RTF1: variants seen among roughly 807,000 people sequenced by gnomAD.
RTF1 encodes RTF1 homolog, Paf1/RNA polymerase II complex component.
RTF1 carries 10 observed loss-of-function variants against 95.7 expected under a neutral mutation model. The observed-to-expected ratio is 0.10, with a 90% CI of 0.06 to 0.18. The LOEUF (loss-of-function observed/expected upper bound fraction) is 0.18, where lower values mean the gene tolerates loss of function less well. Ranked by LOEUF, RTF1 falls within the 10% of genes least tolerant of loss-of-function variation. The pLI is 1.00. For missense variants in RTF1, 458 were observed against 875.6 expected (o/e 0.52, Z 6.02); for synonymous variants, 305 against 311.8 (o/e 0.98, Z 0.23).
chr15:41,440,822 A>T (rs1027562748), intron 2 of RTF1, among the ~76,000 whole-genome samples: 1 of 151,852 alleles, frequency 6.6e-6, no homozygotes, highest in East Asian at 1.9e-4. Context: ...TTAATGGATA[A>T]ACTATAATTT....
chr15:41,419,743 T>C (rs1226345859), intron 1 of RTF1, among the ~76,000 whole-genome samples: 3 of 152,234 alleles, frequency 2.0e-5, no homozygotes, highest in Admixed American at 1.3e-4. Flanking sequence ...GTTGAGTGCT[T>C]CTTTTCGTGG....
chr15:41,480,173 C>T (rs2050964462), intron 16 of RTF1, 41 bp from the exon 17 acceptor site: 2 of 1,283,036 alleles, frequency 1.6e-6, no homozygotes, highest in African/African-American at 2.9e-5. Context: ...AATCCACTTG[C>T]ATTTATGCTC....
chr15:41,442,747 G>T (rs189222343), intron 2 of RTF1, among the ~76,000 whole-genome samples: 2 of 151,988 alleles, frequency 1.3e-5, no homozygotes, highest in Non-Finnish European at 2.9e-5. Context: ...TTAGCCAGGC[G>T]TAGTAGTGGG....
intron 8 of RTF1, among the ~76,000 whole-genome samples, chr15:41,472,583 C>T (rs1367870993): frequency 6.7e-6 from 1 of 149,718 alleles, no homozygotes; most frequent in Non-Finnish European, 1.5e-5. Flanking sequence ...CAGTGGCACG[C>T]TCTTGGCTCA....
chr15:41,429,079 C>T (rs950677618), intron 1 of RTF1, among the ~76,000 whole-genome samples: 3 of 151,988 alleles, frequency 2.0e-5, no homozygotes, highest in Non-Finnish European at 2.9e-5. Flanking sequence ...CAGGGTCTCC[C>T]TGTGTTGCCC....
At chr15:41,442,767 T>TA (rs1566840460) in intron 2 of RTF1, among the ~76,000 whole-genome samples, 5 of 152,068 alleles carry the variant, frequency 3.3e-5, no homozygotes, top group Non-Finnish European at 7.4e-5. Flanking sequence ...GCACCTGTAG[T>TA]CCTAGCTACT....
In RTF1 at chr15:41,466,259, G is replaced by A. The variant is rs369658488; in HGVS notation, c.889+7G>A. ...AAACGAAAGAACAGAACAGGTAAGC[G>A]AGGGAAATATAATGGCTACTTGTGT... On this transcript the variant is annotated splice_region_variant and intron_variant, in intron 6 of 17. Transcript: ENST00000389629. 5.8e-5 allele frequency: 89 copies of A among 1,527,746 alleles called. No individual in the cohort carries two copies. Among genetic ancestry groups the A allele is most frequent in the Admixed American group, 9.1e-5 (4 of 43,822 alleles). The allele number at this position is 1,527,746 out of a possible 1,614,324, so 94.6% of individuals were successfully genotyped here.
chr15:41,474,815 A>T, intron 9 of RTF1, 113 bp downstream of exon 9: 2 of 796,908 alleles, frequency 2.5e-6, no homozygotes, highest in Non-Finnish European at 2.2e-6. Context: ...TATGTATGCA[A>T]TCCCCACAAG....
intron 4 of RTF1, 111 bp downstream of exon 4, chr15:41,457,987 G>C (rs1234762236): frequency 1.3e-6 from 1 of 758,542 alleles, no homozygotes; most frequent in East Asian, 2.7e-5. Flanking sequence ...ACTGGCATTT[G>C]GAATTGACTG....
At chr15:41,433,178 G>A (rs2050684262) in intron 1 of RTF1, among the ~76,000 whole-genome samples, 1 of 152,040 alleles carries the variant, frequency 6.6e-6, no homozygotes, top group Non-Finnish European at 1.5e-5. Flanking sequence ...AACCAGGGAG[G>A]CGGAGGTTGC....
In RTF1 at chr15:41,480,139, C is replaced by T. The variant is rs1458566005; in HGVS notation, c.1915-75C>T. ...AATGAACTCAAATAAGAGCTTCGTACCGTTAGTGGCTGCTGCTGCTTGAAA... is the reference window on the plus strand; with the variant it reads ...AATGAACTCAAATAAGAGCTTCGTATCGTTAGTGGCTGCTGCTGCTTGAAA... On this transcript the variant is annotated intron_variant, in intron 16 of 17. Coordinates refer to ENST00000389629, the MANE Select transcript of RTF1 (RefSeq NM_015138.5). 1.4e-5 allele frequency: 13 copies of T among 917,596 alleles called. No homozygotes were observed. The East Asian group carries it at 2.9e-4, about 21-fold the overall frequency. The allele number at this position is 917,596 out of a possible 1,614,324, so 56.8% of individuals were successfully genotyped here. A position where few individuals can be genotyped will look rare whatever the true frequency, so the allele number is the denominator to read the frequency against.
Position 41,482,638 on chromosome 15 carries a change from G to A in RTF1, c.*1951G>A, listed in dbSNP as rs1433736899. 6.6e-6 allele frequency: 1 copy of A among 152,586 alleles called. No homozygotes were observed. The highest frequency in any genetic ancestry group is 1.5e-5 in the Non-Finnish European group (1 of 68,038). 9.5% of individuals were successfully genotyped at this position (152,586 alleles called of 1,614,324 possible). A position where few individuals can be genotyped will look rare whatever the true frequency, so the allele number is the denominator to read the frequency against. ...ACAGCTTTGTGGTAGCTGTGACACA[G>A]TTCACTTGGGCAAAGGAGTGGTGAT... is the stretch of plus-strand genomic sequence containing the variant. On this transcript the variant is annotated 3_prime_UTR_variant, in exon 18 of 18. Coordinates refer to ENST00000389629, the MANE Select transcript of RTF1 (RefSeq NM_015138.5).
rs112320956 is a variant in RTF1, at chr15:41,468,369, G to C, written c.890-1888G>C. Reference sequence around the variant, plus strand: ...GTCTCGCTCTGTCGCCCAGGTTGGAGTGCAGTGGCGCGATCTCGGCTCACT... The same window carrying C: ...GTCTCGCTCTGTCGCCCAGGTTGGACTGCAGTGGCGCGATCTCGGCTCACT... On this transcript the variant is annotated intron_variant, in intron 6 of 17. Transcript: ENST00000389629. Among the ~76,000 whole-genome samples, 775 of 152,014 alleles carry C rather than the reference G, an allele frequency of 5.1e-3. 4 individuals carry two copies. The highest frequency in any genetic ancestry group is 8.1e-3 in the Non-Finnish European group (553 of 67,990).
chr15:41,420,030 A>G (rs183035148), intron 1 of RTF1, among the ~76,000 whole-genome samples: 9 of 152,236 alleles, frequency 5.9e-5, no homozygotes, highest in Admixed American at 5.2e-4. Flanking sequence ...CATGTTGGCC[A>G]GGCTGGTTTC....
intron 4 of RTF1, 132 bp downstream of exon 4, chr15:41,458,008 G>A (rs777914972): frequency 1.8e-4 from 118 of 663,950 alleles, no homozygotes; most frequent in Non-Finnish European, 3.0e-4. Context: ...TTAACATGAT[G>A]AGACGCAAGT....
chr15:41,426,299 ATTGT>A (rs965468356), intron 1 of RTF1, among the ~76,000 whole-genome samples: 13 of 147,412 alleles, frequency 8.8e-5, no homozygotes, highest in Admixed American at 5.4e-4. Context: ...AATTTTTTTG[ATTGT>A]TTGTTTTTAT....
intron 2 of RTF1, among the ~76,000 whole-genome samples, chr15:41,445,214 C>A (rs1341967041): frequency 6.6e-6 from 1 of 152,112 alleles, no homozygotes; most frequent in African/African-American, 2.4e-5. Flanking sequence ...GGATTACAGG[C>A]GTGAGCCACT....
At position 41,466,517 on chromosome 15, in the gene RTF1, C is replaced by T. The variant is rs2050881249; in HGVS notation, c.889+265C>T. ...TAACCATAAATATTTCAGTATGTTC[C>T]TCTAAAAGATAAGTACTTTTGTTTT... On this transcript the variant is annotated intron_variant, in intron 6 of 17. Coordinates refer to ENST00000389629, the MANE Select transcript of RTF1 (RefSeq NM_015138.5). Among the ~76,000 whole-genome samples the T allele has an allele frequency of 3.3e-5, 5 of 152,136 alleles. No homozygotes were observed. In the South Asian group the frequency reaches 1.0e-3, roughly 32 times the overall value.
At position 41,417,292 on chromosome 15, in the gene RTF1, C is replaced by T; in HGVS notation, c.177C>T (p.Gly59=). ...VVIDSDTEDS[G]SDENLDQELL... ...TCGACTCGGACACAGAGGACAGCGG[C>T]AGCGACGAGAACCTGGATCAGGTGA... Residue 59 remains glycine, a synonymous_variant, in exon 1 of 18, where the codon GGC becomes GGT. Transcript: ENST00000389629. 1 of 1,247,662 alleles carries T rather than the reference C, an allele frequency of 8.0e-7. No individual in the cohort carries two copies. The highest frequency in any genetic ancestry group is 4.1e-5 in the South Asian group (1 of 24,450). The allele number at this position is 1,247,662 out of a possible 1,614,324, so 77.3% of individuals were successfully genotyped here. A position where few individuals can be genotyped will look rare whatever the true frequency, so the allele number is the denominator to read the frequency against.
Sources: allele counts gnomAD v4.1 joint callset (sites outside exome capture counted in the v4.1 genomes callset), GRCh38; gene constraint gnomAD v4.1.1; transcripts MANE v1.5; gene names NCBI Gene and HGNC (gene_info 2026-07-23, HGNC 2026-07-21).